Variants in COPS6 observed in about 807,000 individuals in gnomAD.
The protein encoded by COPS6 is COP9 signalosome subunit 6.
Under a neutral mutation model 41.0 loss-of-function variants are expected in COPS6, and 9 were observed. The observed-to-expected ratio is 0.22, with a 90% CI of 0.13 to 0.38. COPS6 has a LOEUF of 0.38. Ranked by LOEUF, COPS6 falls within the 10% of genes least tolerant of loss-of-function variation. The pLI, the probability that COPS6 is intolerant of heterozygous loss-of-function variation, is 1.00. For missense variants in COPS6, 302 were observed against 436.7 expected (o/e 0.69, Z 2.75); for synonymous variants, 179 against 162.9 (o/e 1.10, Z -0.75).
At position 100,091,449 on chromosome 7, in the gene COPS6, C is replaced by T. The variant is rs1795316899; in HGVS notation, c.772C>T (p.Arg258Trp). Residue 258 changes from arginine to tryptophan, a missense_variant, in exon 9 of 10, where the codon CGG becomes TGG. By Grantham distance (101) the Arg-to-Trp change is moderately radical (BLOSUM62 -3). Coordinates refer to ENST00000303904, the MANE Select transcript of COPS6 (RefSeq NM_006833.5). This position sits in a 1 kb window ranked among gnomAD's most constrained non-coding sequence, Gnocchi z 4.1. ...GGTCCCCTTTAATCATGAGATCCTG[C>T]GGGAGGCCTATGCTCTGTGTCACTG... ...GEVPFNHEIL[R>W]EAYALCHCLP... 2 of 1,614,138 alleles carry T rather than the reference C, an allele frequency of 1.2e-6. No homozygotes were observed. The highest frequency in any genetic ancestry group is 1.3e-5 in the African/African-American group (1 of 75,030).
At position 100,092,103 on chromosome 7, in the gene COPS6, G is replaced by C. The variant is rs1302160329; in HGVS notation, c.*314G>C. On this transcript the variant is annotated 3_prime_UTR_variant, in exon 10 of 10. Coordinates refer to ENST00000303904, the MANE Select transcript of COPS6 (RefSeq NM_006833.5). Reference sequence around the variant, plus strand: ...TCCAAGGCTGCCTGCTTCCACCTAAGTGGTCTCTGTTCTACACTTTAATGT... The same window carrying C: ...TCCAAGGCTGCCTGCTTCCACCTAACTGGTCTCTGTTCTACACTTTAATGT... 1 of 376,290 alleles carries C rather than the reference G, an allele frequency of 2.7e-6. No individual in the cohort carries two copies. The highest frequency in any genetic ancestry group is 2.0e-5 in the African/African-American group (1 of 49,116). 23.3% of individuals were successfully genotyped at this position (376,290 alleles called of 1,614,324 possible). A position where few individuals can be genotyped will look rare whatever the true frequency, so the allele number is the denominator to read the frequency against.
chr7:100,091,235 C>A lies in COPS6; in HGVS notation c.650-3C>A, dbSNP rs771084439. ...ACCTCCTCCTGTCCTCATCCCCTTG[C>A]AGTGGCTGAACACCTGATAGCACAG... is the stretch of plus-strand genomic sequence containing the variant. On this transcript the variant is annotated splice_polypyrimidine_tract_variant and splice_region_variant and intron_variant, in intron 7 of 9. Transcript: ENST00000303904. The surrounding 1 kb of genome is among the most constrained non-coding windows in gnomAD (Gnocchi z 4.1). 8 of 1,614,118 alleles carry A rather than the reference C, an allele frequency of 5.0e-6. No individual in the cohort carries two copies. The highest frequency in any genetic ancestry group is 6.8e-6 in the Non-Finnish European group (8 of 1,179,920).
At chr7:100,090,547 AAGGT>A (rs778231892) in intron 4 of COPS6, 41 bp from the exon 5 acceptor site, 3 of 1,610,798 alleles carry the variant, frequency 1.9e-6, no homozygotes, top group Non-Finnish European at 2.5e-6. Flanking sequence ...GGGAAGGAGA[AAGGT>A]AGGGGGCACT....
At chr7:100,089,589 C>T (rs1210496918) in intron 2 of COPS6, 26 bp from the exon 3 acceptor site, 3 of 1,608,984 alleles carry the variant, frequency 1.9e-6, no homozygotes, top group East Asian at 2.2e-5. Context: ...TTACCCTCAC[C>T]TTTTCCATGT....
chr7:100,091,471 A>G lies in COPS6; in HGVS notation c.794A>G (p.His265Arg). Residue 265 changes from histidine to arginine, a missense_variant, in exon 9 of 10, where the codon CAC becomes CGC. Coordinates refer to ENST00000303904, the MANE Select transcript of COPS6 (RefSeq NM_006833.5). This position sits in a 1 kb window ranked among gnomAD's most constrained non-coding sequence, Gnocchi z 4.1. ...CTGCGGGAGGCCTATGCTCTGTGTC[A>G]CTGTCTCCCGGTGCTCAGCACAGAC... ...EILREAYALC[H>R]CLPVLSTDKF... 6.2e-7 allele frequency: 1 copy of G among 1,614,092 alleles called. No homozygotes were observed. Among genetic ancestry groups the G allele is most frequent in the South Asian group, 1.1e-5 (1 of 91,086 alleles).
chr7:100,089,487 C>G, intron 2 of COPS6, 72 bp downstream of exon 2: 1 of 1,607,736 alleles, frequency 6.2e-7, no homozygotes, highest in Non-Finnish European at 8.5e-7. Flanking sequence ...TTTCCCCTTC[C>G]TCTACTGGAG....
In COPS6 at chr7:100,089,004, C is replaced by T. The variant is rs1000687972; in HGVS notation, c.14C>T (p.Ala5Val). The part of the protein sequence containing the change: MAAA[A>V]AAAAATNGTG... ...GGCGCGGGGAAAATGGCGGCGGCGG[C>T]GGCGGCGGCTGCAGCTACGAACGGG... is the stretch of plus-strand genomic sequence containing the variant. Residue 5 changes from alanine (A) to valine (V), a missense_variant, in exon 1 of 10, where the codon GCG (alanine) becomes GTG (valine). Transcript: ENST00000303904. 6.9e-6 allele frequency: 9 copies of T among 1,310,446 alleles called. No homozygotes were observed. The highest frequency in any genetic ancestry group is 8.8e-6 in the Non-Finnish European group (9 of 1,026,998). 81.2% of individuals were successfully genotyped at this position (1,310,446 alleles called of 1,614,324 possible). A position where few individuals can be genotyped will look rare whatever the true frequency, so the allele number is the denominator to read the frequency against.
rs772213386 is a variant in COPS6 at position 100,089,796 on chromosome 7, T to C, written c.334+50T>C. 9 of 1,555,440 alleles carry C rather than the reference T, an allele frequency of 5.8e-6. 1 individual carries two copies. In the African/African-American group the frequency reaches 1.1e-4, roughly 19 times the overall value. ...AGAGGAGTGGGAGTTAAAAAAAAAA[T>C]GTACAGGGTGGGGAAGATGGAGAGG... On this transcript the variant is annotated intron_variant, in intron 3 of 9. Transcript: ENST00000303904.
Position 100,092,096 on chromosome 7 carries a change from C to T in COPS6, c.*307C>T, listed in dbSNP as rs1795340213. On this transcript the variant is annotated 3_prime_UTR_variant, in exon 10 of 10. Coordinates refer to ENST00000303904, the MANE Select transcript of COPS6 (RefSeq NM_006833.5). ...AGCAAAGTCCAAGGCTGCCTGCTTC[C>T]ACCTAAGTGGTCTCTGTTCTACACT... 5.1e-6 allele frequency: 2 copies of T among 389,998 alleles called. No homozygotes were observed. The highest frequency in any genetic ancestry group is 9.4e-6 in the Non-Finnish European group (2 of 212,294). The allele number at this position is 389,998 out of a possible 1,614,324, so 24.2% of individuals were successfully genotyped here. A position where few individuals can be genotyped will look rare whatever the true frequency, so the allele number is the denominator to read the frequency against.
intron 5 of COPS6, 43 bp from the exon 6 acceptor site, chr7:100,090,859 A>C (rs762787651): frequency 1.2e-6 from 2 of 1,609,490 alleles, no homozygotes; most frequent in Non-Finnish European, 1.7e-6. Flanking sequence ...AGCTAGCCCA[A>C]ATGTTGGCAT....
rs1795308970 is a variant in COPS6, at chr7:100,091,061, G to C, written c.558G>C (p.Leu186=). 3 of 1,614,108 alleles carry C rather than the reference G, an allele frequency of 1.9e-6. No homozygotes were observed. The highest frequency in any genetic ancestry group is 2.2e-5 in the East Asian group (1 of 44,898). The change falls in exon 7 of 10, where the codon CTG becomes CTC. Residue 186 remains leucine (L), a synonymous_variant. Coordinates refer to ENST00000303904, the MANE Select transcript of COPS6 (RefSeq NM_006833.5). This position sits in a 1 kb window ranked among gnomAD's most constrained non-coding sequence, Gnocchi z 4.1. The stretch of plus-strand genomic sequence containing the variant: ...AGGCCACAATGCTGTTTGCTGAGCT[G>C]ACCTACACTCTGGCCACAGAGGAAG... The part of the protein sequence containing the change: ...NGEATMLFAE[L]TYTLATEEAE...
Position 100,091,899 on chromosome 7 carries a change from C to A in COPS6, c.*110C>A, listed in dbSNP as rs1795332499. 7.2e-7 allele frequency: 1 copy of A among 1,388,484 alleles called. No individual in the cohort carries two copies. Among genetic ancestry groups the A allele is most frequent in the African/African-American group, 1.4e-5 (1 of 70,062 alleles). 86.0% of individuals were successfully genotyped at this position (1,388,484 alleles called of 1,614,324 possible). A position where few individuals can be genotyped will look rare whatever the true frequency, so the allele number is the denominator to read the frequency against. On this transcript the variant is annotated 3_prime_UTR_variant, in exon 10 of 10. Coordinates refer to ENST00000303904, the MANE Select transcript of COPS6 (RefSeq NM_006833.5). This position sits in a 1 kb window ranked among gnomAD's most constrained non-coding sequence, Gnocchi z 4.1. ...GTCATTAATAAAAGGGGAGCAGCCC[C>A]TGAGCACCCCTGCTGGTGGCTCTGT...
rs1156289726 is a variant in COPS6, at chr7:100,092,058, T to TG, written c.*271dup. 1 of 489,574 alleles carries TG rather than the reference T, an allele frequency of 2.0e-6. No individual in the cohort carries two copies. The highest frequency in any genetic ancestry group is 3.7e-6 in the Non-Finnish European group (1 of 270,786). The allele number at this position is 489,574 out of a possible 1,614,324, so 30.3% of individuals were successfully genotyped here. On this transcript the variant is annotated 3_prime_UTR_variant, in exon 10 of 10. Transcript: ENST00000303904. The stretch of plus-strand genomic sequence containing the variant: ...TTGAAGTGACCCCATGTCAGTCACA[T>TG]GGACTGGTCTTTAGCAAAGTCCAAG...
chr7:100,091,460 T>C lies in COPS6; in HGVS notation c.783T>C (p.Tyr261=), dbSNP rs776983712. Residue 261 remains tyrosine (Y), a synonymous_variant, in exon 9 of 10, where the codon TAT becomes TAC. Transcript: ENST00000303904. The surrounding 1 kb of genome is among the most constrained non-coding windows in gnomAD (Gnocchi z 4.1). The part of the protein sequence containing the change: ...PFNHEILREA[Y]ALCHCLPVLS... ...ATCATGAGATCCTGCGGGAGGCCTA[T>C]GCTCTGTGTCACTGTCTCCCGGTGC... 2.5e-6 allele frequency: 4 copies of C among 1,614,230 alleles called. No homozygotes were observed. The highest frequency in any genetic ancestry group is 1.1e-5 in the South Asian group (1 of 91,088).
chr7:100,091,297 C>A lies in COPS6; in HGVS notation c.709C>A (p.Leu237Ile). Residue 237 changes from leucine (L) to isoleucine (I), a missense_variant, in exon 8 of 10, where the codon CTC becomes ATC. Transcript: ENST00000303904. The surrounding 1 kb of genome is among the most constrained non-coding windows in gnomAD (Gnocchi z 4.1). The part of the protein sequence containing the change: ...AIKMLHSRVK[L>I]ILEYVKASEA... ...CAAGATGCTGCACAGCCGCGTCAAG[C>A]TCATCTTGGAGTACGTCAAGGCCTC... The A allele has an allele frequency of 6.2e-7, 1 of 1,614,200 alleles. No individual in the cohort carries two copies. Among genetic ancestry groups the A allele is most frequent in the Non-Finnish European group, 8.5e-7 (1 of 1,180,036 alleles).
chr7:100,090,027 C>G, intron 3 of COPS6: 1 of 444,928 alleles, frequency 2.2e-6, no homozygotes, highest in African/African-American at 2.0e-5. Flanking sequence ...ACACCAGGAG[C>G]TTCACATTGA....
At chr7:100,089,790 A>T in intron 3 of COPS6, 44 bp downstream of exon 3, 2 of 1,596,950 alleles carry the variant, frequency 1.3e-6, no homozygotes. Flanking sequence ...GGAGTTAAAA[A>T]AAAAATGTAC....
rs766144901 is a variant in COPS6, at chr7:100,089,718, G to A, written c.306G>A (p.Lys102=). 2 of 1,613,920 alleles carry A rather than the reference G, an allele frequency of 1.2e-6. No homozygotes were observed. Among genetic ancestry groups the A allele is most frequent in the African/African-American group, 1.3e-5 (1 of 74,978 alleles). The change falls in exon 3 of 10, where the codon AAG becomes AAA. Residue 102 remains lysine, a synonymous_variant. Coordinates refer to ENST00000303904, the MANE Select transcript of COPS6 (RefSeq NM_006833.5). ...TGGAAGAGAAGATTATCATTGACAAGGAATATTATTACACCAAGGAGGAGC... is the reference window on the plus strand; with the variant it reads ...TGGAAGAGAAGATTATCATTGACAAAGAATATTATTACACCAAGGAGGAGC... ...HTVEEKIIID[K]EYYYTKEEQF...
chr7:100,089,842 G>A (rs1339516115), intron 3 of COPS6, 96 bp downstream of exon 3: 2 of 1,257,806 alleles, frequency 1.6e-6, no homozygotes, highest in African/African-American at 3.0e-5. Context: ...AACAGGAGAG[G>A]AGACCAAGAA....
Sources: allele counts gnomAD v4.1 joint callset, GRCh38; gene constraint gnomAD v4.1.1; non-coding constraint Gnocchi (gnomAD v3.1); transcripts MANE v1.5; gene names NCBI Gene and HGNC (gene_info 2026-07-23, HGNC 2026-07-21).